MCTP1: variants seen among roughly 807,000 people sequenced by gnomAD.
The protein encoded by MCTP1 is multiple C2 and transmembrane domain-containing protein 1.
In MCTP1, 69 loss-of-function variants were observed where a neutral mutation model predicts 120.6. The observed-to-expected ratio is 0.57, with a 90% CI of 0.47 to 0.70. The LOEUF is 0.70. Ranked by LOEUF, MCTP1 falls within the 30% of genes least tolerant of loss-of-function variation. The probability of loss-of-function intolerance (pLI) is 0.00; values close to 1 mark genes in which losing one functional copy is unlikely to be tolerated. For synonymous variants in MCTP1, 529 were observed against 493.1 expected (o/e 1.07, Z -0.96); for missense variants, 1,203 against 1,248.8 (o/e 0.96, Z 0.55).
intron 10 of MCTP1, among the ~76,000 whole-genome samples, chr5:94,907,858 A>G (rs1168001476): frequency 1.3e-5 from 2 of 152,094 alleles, no homozygotes; most frequent in African/African-American, 4.8e-5. Context: ...TAGCCAGAAT[A>G]TTTACAGCAT....
At chr5:95,099,714 G>C (rs900989008) in intron 1 of MCTP1, among the ~76,000 whole-genome samples, 1 of 151,636 alleles carries the variant, frequency 6.6e-6, no homozygotes, top group African/African-American at 2.4e-5. Flanking sequence ...AGTCAGTGCG[G>C]CGATTCCTCA....
chr5:95,154,469 T>C (rs1302431209), intron 1 of MCTP1, among the ~76,000 whole-genome samples: 1 of 152,202 alleles, frequency 6.6e-6, no homozygotes, highest in African/African-American at 2.4e-5. Flanking sequence ...CTATAAGGGT[T>C]ACTTCAGCTA....
At chr5:95,014,527 A>C (rs1043527289) in intron 2 of MCTP1, among the ~76,000 whole-genome samples, 1 of 152,174 alleles carries the variant, frequency 6.6e-6, no homozygotes, top group African/African-American at 2.4e-5. Context: ...ATGAATGAGC[A>C]GAGAAAGTGG....
chr5:94,927,883 T>G (rs1180284080), intron 6 of MCTP1, among the ~76,000 whole-genome samples: 1 of 152,078 alleles, frequency 6.6e-6, no homozygotes, highest in Non-Finnish European at 1.5e-5. Flanking sequence ...ATAAAGTGTT[T>G]TATAGTTCAT....
Position 94,714,874 on chromosome 5 carries a change from T to C in MCTP1, c.2623A>G (p.Lys875Glu). 11 of 1,602,558 alleles carry C rather than the reference T, an allele frequency of 6.9e-6. No homozygotes were observed. Among genetic ancestry groups the C allele is most frequent in the Non-Finnish European group, 9.4e-6 (11 of 1,169,706 alleles). Residue 875 changes from lysine (K) to glutamate (E), a missense_variant, in exon 20 of 23, where the codon AAG (lysine) becomes GAG (glutamate). Lys to Glu is a moderately conservative substitution (Grantham distance 56, BLOSUM62 1). Around this residue, in one of 2 missense-constraint regions of MCTP1, gnomAD observed 740 missense variants for 871.1 expected, o/e 0.85. Transcript: ENST00000515393. Reference sequence around the variant, plus strand: ...GCATAGATTTTATTTATAAATCCCTTTTTTTCACTGTCCTAAAATGCAATA... The same window carrying C: ...GCATAGATTTTATTTATAAATCCCTCTTTTTCACTGTCCTAAAATGCAATA... ...DDKDDKDSEK[K>E]GFINKIYAIQ...
At chr5:94,751,328 A>G (rs908505721) in intron 19 of MCTP1, among the ~76,000 whole-genome samples, 1 of 151,830 alleles carries the variant, frequency 6.6e-6, no homozygotes, top group Non-Finnish European at 1.5e-5. Context: ...GTAATTTAGC[A>G]TACCAAATCA....
intron 17 of MCTP1, among the ~76,000 whole-genome samples, chr5:94,839,336 G>A (rs1312546910): frequency 1.3e-5 from 2 of 152,070 alleles, no homozygotes; most frequent in African/African-American, 2.4e-5. Flanking sequence ...ATTACTCCCA[G>A]ATTCTGCTTT....
intron 17 of MCTP1, among the ~76,000 whole-genome samples, chr5:94,823,737 T>C (rs1786242335): frequency 6.6e-6 from 1 of 152,212 alleles, no homozygotes. Context: ...TGGTTTGTAG[T>C]TCTCCTTGGG....
chr5:94,996,829 A>G (rs540904195), intron 2 of MCTP1, among the ~76,000 whole-genome samples: 1 of 152,310 alleles, frequency 6.6e-6, no homozygotes, highest in South Asian at 2.1e-4. Flanking sequence ...TCCATGATCC[A>G]TAATTCACTT....
intron 1 of MCTP1, among the ~76,000 whole-genome samples, chr5:95,255,564 A>C (rs1757797029): frequency 6.6e-6 from 1 of 152,142 alleles, no homozygotes; most frequent in Non-Finnish European, 1.5e-5. Context: ...ACCTACCCCT[A>C]TGAATAGGCG....
At chr5:95,108,328 G>T (rs538700717) in intron 1 of MCTP1, among the ~76,000 whole-genome samples, 1 of 152,292 alleles carries the variant, frequency 6.6e-6, no homozygotes, top group Non-Finnish European at 1.5e-5. Flanking sequence ...AAGAACATTT[G>T]CTGTGTCAGG....
intron 1 of MCTP1, among the ~76,000 whole-genome samples, chr5:95,093,091 G>T (rs1415371584): frequency 2.6e-5 from 4 of 152,186 alleles, no homozygotes; most frequent in African/African-American, 9.7e-5. Context: ...AAATAGATGG[G>T]AACACTACAA....
chr5:95,027,597 A>T (rs143752156), intron 1 of MCTP1, among the ~76,000 whole-genome samples: 1 of 152,192 alleles, frequency 6.6e-6, no homozygotes, highest in Non-Finnish European at 1.5e-5. Flanking sequence ...TGACATTGTA[A>T]CAGGGCATAC....
At chr5:94,713,718 A>ATGGG (rs1334024175) in intron 20 of MCTP1, among the ~76,000 whole-genome samples, 2 of 152,146 alleles carry the variant, frequency 1.3e-5, no homozygotes, top group Non-Finnish European at 2.9e-5. Context: ...TCGGAGTGAG[A>ATGGG]TGGGGGCTGT....
At chr5:94,752,108 AATATATATATATAT>A (rs146434254) in intron 19 of MCTP1, among the ~76,000 whole-genome samples, 15,526 of 75,774 alleles carry the variant, frequency 0.2, 2,437 homozygotes, top group East Asian at 0.43. Flanking sequence ...TAAATAATAA[AATATATATATATAT>A]ATATATATAT....
chr5:94,889,104 AT>A (rs963281674), intron 11 of MCTP1, 132 bp from the exon 12 acceptor site: 8,428 of 414,100 alleles, frequency 0.02, no homozygotes, highest in South Asian at 0.033. Flanking sequence ...AAACTAACTA[AT>A]TTTTTTTTTT....
At chr5:95,065,001 A>T (rs1344361443) in intron 1 of MCTP1, among the ~76,000 whole-genome samples, 1 of 152,204 alleles carries the variant, frequency 6.6e-6, no homozygotes, top group African/African-American at 2.4e-5. Context: ...TTCTGCTAAA[A>T]ATTCAATGCT....
At chr5:95,239,512 C>G (rs1344299326) in intron 1 of MCTP1, among the ~76,000 whole-genome samples, 1 of 152,124 alleles carries the variant, frequency 6.6e-6, no homozygotes, top group East Asian at 1.9e-4. Flanking sequence ...AATTATAAGA[C>G]TTGTGAAAAT....
intron 1 of MCTP1, among the ~76,000 whole-genome samples, chr5:95,216,945 A>G (rs1753107186): frequency 6.6e-6 from 1 of 152,216 alleles, no homozygotes; most frequent in Admixed American, 6.5e-5. Flanking sequence ...CTAAATAAAA[A>G]GAAGATTTAA....
Sources: allele counts gnomAD v4.1 joint callset (sites outside exome capture counted in the v4.1 genomes callset), GRCh38; gene constraint gnomAD v4.1.1; regional missense constraint gnomAD v4.1.1; transcripts MANE v1.5; gene names NCBI Gene and HGNC (gene_info 2026-07-23, HGNC 2026-07-21).